RPGRIP1: variants seen among roughly 807,000 people sequenced by gnomAD.
The protein encoded by RPGRIP1 is X-linked retinitis pigmentosa GTPase regulator-interacting protein 1.
RPGRIP1 carries 128 observed loss-of-function variants against 157.9 expected under a neutral mutation model. That is an observed-to-expected ratio of 0.81 (90% CI 0.70 to 0.94). The LOEUF (loss-of-function observed/expected upper bound fraction) is 0.94, where lower values mean the gene tolerates loss of function less well. Ranked by LOEUF, RPGRIP1 falls within the 40% of genes least tolerant of loss-of-function variation. The pLI, the probability that RPGRIP1 is intolerant of heterozygous loss-of-function variation, is 0.00. For missense variants in RPGRIP1, 1,486 were observed against 1,545.8 expected (o/e 0.96, Z 0.65); for synonymous variants, 554 against 571.6 (o/e 0.97, Z 0.44).
At chr14:21,301,814 G>A (rs1881049681) in intron 4 of RPGRIP1, among the ~76,000 whole-genome samples, 1 of 151,854 alleles carries the variant, frequency 6.6e-6, no homozygotes, top group African/African-American at 2.4e-5. Context: ...GGAGGCGGAG[G>A]CTGCAGTGAG....
Position 21,320,133 on chromosome 14 carries a change from C to T in RPGRIP1, c.1423C>T (p.Pro475Ser). ...ISQPPDRQSE[P>S]ATHPAVLQEN... is the part of the protein sequence containing the mutation. ...CCAACCTCCTGACAGGCAATCTGAA[C>T]CAGCCACTCACCCAGCTGTATTGCA... Residue 475 changes from proline to serine, a missense_variant, in exon 12 of 25, where the codon CCA becomes TCA. By Grantham distance (74) the Pro-to-Ser change is moderately conservative. Transcript: ENST00000400017. 4 of 1,613,934 alleles carry T rather than the reference C, an allele frequency of 2.5e-6. No individual in the cohort carries two copies. The highest frequency in any genetic ancestry group is 3.4e-6 in the Non-Finnish European group (4 of 1,179,862).
chr14:21,294,905 CAT>C, intron 3 of RPGRIP1, 96 bp downstream of exon 3: 2 of 1,090,068 alleles, frequency 1.8e-6, no homozygotes, highest in Non-Finnish European at 1.2e-6. Context: ...AATGCAGTGG[CAT>C]GATCTTGGCT....
At chr14:21,296,645 C>T (rs1157969564) in intron 3 of RPGRIP1, among the ~76,000 whole-genome samples, 1 of 151,820 alleles carries the variant, frequency 6.6e-6, no homozygotes, top group African/African-American at 2.4e-5. Flanking sequence ...CCCATCGTGC[C>T]CAGTTAATTT....
chr14:21,302,706 G>T, intron 5 of RPGRIP1, 122 bp downstream of exon 5: 1 of 564,864 alleles, frequency 1.8e-6, no homozygotes, highest in Non-Finnish European at 3.0e-6. Context: ...GAAGATGAAA[G>T]TCGACCCTAG....
intron 10 of RPGRIP1, among the ~76,000 whole-genome samples, chr14:21,314,617 C>T (rs990676772): frequency 1.3e-5 from 2 of 149,906 alleles, no homozygotes; most frequent in Non-Finnish European, 3.0e-5. Context: ...GCCAGCCAGG[C>T]GCGGAGAATC....
Position 21,336,458 on chromosome 14 carries a change from C to A in RPGRIP1, c.3339+1753C>A, listed in dbSNP as rs368624340. Among the ~76,000 whole-genome samples the A allele has an allele frequency of 7.2e-4, 110 of 152,250 alleles. 1 individual carries two copies. The highest frequency in any genetic ancestry group is 2.6e-3 in the African/African-American group (107 of 41,544). On this transcript the variant is annotated intron_variant, in intron 21 of 24. Coordinates refer to ENST00000400017, the MANE Select transcript of RPGRIP1 (RefSeq NM_020366.4). ...GCTGAGGTGAGAGGATTGCTTGAGC[C>A]TGAGAGTTTGAGGCTGCAGTGAGCC...
intron 14 of RPGRIP1, among the ~76,000 whole-genome samples, chr14:21,323,146 G>A (rs1366215036): frequency 6.6e-6 from 1 of 152,192 alleles, no homozygotes. Context: ...ACATGGCTGG[G>A]CACGGTGGCT....
intron 12 of RPGRIP1, among the ~76,000 whole-genome samples, chr14:21,320,448 G>A (rs1327893392): frequency 6.6e-6 from 1 of 151,234 alleles, no homozygotes; most frequent in East Asian, 1.9e-4. Flanking sequence ...CCGCCACCTC[G>A]CCCGGTTAAT....
At chr14:21,300,305 CAAAA>C (rs35287014) in intron 3 of RPGRIP1, among the ~76,000 whole-genome samples, 1 of 98,202 alleles carries the variant, frequency 1.0e-5, no homozygotes. Flanking sequence ...AAGTCCGTCT[CAAAA>C]AAAAAAAAAA....
chr14:21,333,369 C>G (rs2139281353), intron 20 of RPGRIP1, among the ~76,000 whole-genome samples: 1 of 152,330 alleles, frequency 6.6e-6, no homozygotes, highest in African/African-American at 2.4e-5. Flanking sequence ...CCCGCTCAGA[C>G]CTTTTCCCTT....
At chr14:21,348,977 A>G (rs919778693) in intron 24 of RPGRIP1, among the ~76,000 whole-genome samples, 1 of 151,912 alleles carries the variant, frequency 6.6e-6, no homozygotes, top group African/African-American at 2.4e-5. Flanking sequence ...GTCTCTTAAA[A>G]AGACATTAAC....
intron 21 of RPGRIP1, 138 bp downstream of exon 21, chr14:21,334,843 G>T: frequency 2.0e-6 from 1 of 503,240 alleles, no homozygotes; most frequent in South Asian, 3.1e-5. Flanking sequence ...GGGAGTTCGA[G>T]ACCAGCCTGA....
chr14:21,300,283 A>C (rs7155459), intron 3 of RPGRIP1, among the ~76,000 whole-genome samples: 77,066 of 147,540 alleles, frequency 0.52, 20,282 homozygotes, highest in South Asian at 0.68. Context: ...CCAGCCTGGG[A>C]AACAAGAGAA....
rs374934219 is a variant in RPGRIP1, at chr14:21,348,193, TGATCCTCTG to T, written c.3643_3651del (p.Pro1215_Asp1217del). On this transcript the variant is annotated inframe_deletion, in exon 24 of 25. Coordinates refer to ENST00000400017, the MANE Select transcript of RPGRIP1 (RefSeq NM_020366.4). ...TTAGTTTAAAGTTTACAGTGGTAAGTGATCCTCTGGATGAAGAAAAGAAAGAATGTGAAG... is the reference window on the plus strand; with the variant it reads ...TTAGTTTAAAGTTTACAGTGGTAAGTGATGAAGAAAAGAAAGAATGTGAAG... The T allele has an allele frequency of 6.3e-7, 1 of 1,584,938 alleles. No homozygotes were observed. Among genetic ancestry groups the T allele is most frequent in the East Asian group, 2.3e-5 (1 of 44,138 alleles).
chr14:21,348,287 G>C lies in RPGRIP1; in HGVS notation c.3733G>C (p.Glu1245Gln). The C allele has an allele frequency of 6.3e-7, 1 of 1,582,356 alleles. No homozygotes were observed. The highest frequency in any genetic ancestry group is 2.3e-5 in the East Asian group (1 of 44,050). Residue 1245 changes from glutamate (E) to glutamine (Q), a missense_variant, in exon 24 of 25, where the codon GAG becomes CAG. Coordinates refer to ENST00000400017, the MANE Select transcript of RPGRIP1 (RefSeq NM_020366.4). ...QILESGRDIL[E>Q]QELDIVSPED... ...CCTGGAGTCAGGAAGAGATATTCTA[G>C]AGCAAGAGCTAGACAGTGAGTCATT...
intron 3 of RPGRIP1, among the ~76,000 whole-genome samples, chr14:21,295,096 G>A (rs553115940): frequency 4.7e-4 from 71 of 151,632 alleles, no homozygotes; most frequent in African/African-American, 1.7e-3. Flanking sequence ...CACCCACCTC[G>A]GCCTCCCAAA....
intron 18 of RPGRIP1, 143 bp downstream of exon 18, chr14:21,327,950 C>A: frequency 3.3e-6 from 2 of 601,006 alleles, no homozygotes; most frequent in South Asian, 3.6e-5. Flanking sequence ...AGGCGAATTA[C>A]CTGAGGTCAG....
chr14:21,320,518 C>G (rs1182637236), intron 12 of RPGRIP1, among the ~76,000 whole-genome samples: 1 of 151,662 alleles, frequency 6.6e-6, no homozygotes, highest in African/African-American at 2.4e-5. Context: ...GTCTCGATCT[C>G]CTGACCTCGT....
At chr14:21,308,152 G>A (rs1472043027) in intron 7 of RPGRIP1, among the ~76,000 whole-genome samples, 1 of 152,152 alleles carries the variant, frequency 6.6e-6, no homozygotes, top group African/African-American at 2.4e-5. Flanking sequence ...ATTAAATTAG[G>A]AAGCCAAAAG....
Sources: gnomAD v4.1 joint callset for allele counts (sites outside exome capture counted in the v4.1 genomes callset) on GRCh38, gnomAD v4.1.1 for gene constraint, MANE v1.5 for transcripts, NCBI Gene and HGNC (gene_info 2026-07-23, HGNC 2026-07-21) for gene names.